Variants in LRRC4C observed in about 807,000 individuals in gnomAD.
LRRC4C encodes leucine-rich repeat-containing protein 4C.
Under a neutral mutation model 33.6 loss-of-function variants are expected in LRRC4C, and 5 were observed. The ratio of observed to expected loss-of-function variants is 0.15; its 90% CI spans 0.08 to 0.31. The LOEUF is 0.31. LRRC4C is among the 10% of genes least tolerant of loss of function. The probability of loss-of-function intolerance (pLI) is 1.00; values close to 1 mark genes in which losing one functional copy is unlikely to be tolerated. For synonymous variants in LRRC4C, 329 were observed against 302.0 expected (o/e 1.09, Z -0.93); for missense variants, 560 against 796.7 (o/e 0.70, Z 3.58).
intron 1 of LRRC4C, among the ~76,000 whole-genome samples, chr11:40,997,690 C>CA (rs1434400723): frequency 6.6e-6 from 1 of 151,518 alleles, no homozygotes; most frequent in Non-Finnish European, 1.5e-5. Flanking sequence ...GGTATGATTC[C>CA]AAAAAAATAA....
At chr11:41,277,317 T>C (rs1446088834) in intron 1 of LRRC4C, among the ~76,000 whole-genome samples, 1 of 152,216 alleles carries the variant, frequency 6.6e-6, no homozygotes, top group African/African-American at 2.4e-5. Flanking sequence ...GATCTTCTGA[T>C]AAACTGAATA....
intron 5 of LRRC4C, among the ~76,000 whole-genome samples, chr11:40,177,487 C>T (rs1422547400): frequency 6.6e-6 from 1 of 152,008 alleles, no homozygotes; most frequent in Non-Finnish European, 1.5e-5. Flanking sequence ...ATATACCTTC[C>T]AGTCACACTG....
chr11:40,434,194 G>T (rs1951050012), intron 3 of LRRC4C, among the ~76,000 whole-genome samples: 1 of 152,104 alleles, frequency 6.6e-6, no homozygotes, highest in African/African-American at 2.4e-5. Context: ...GCCATTTAGG[G>T]TTAGTGGCTA....
chr11:40,755,362 GAC>G (rs994102241), intron 2 of LRRC4C, among the ~76,000 whole-genome samples: 6 of 152,066 alleles, frequency 3.9e-5, no homozygotes. Flanking sequence ...ATAAAAGTAA[GAC>G]ACAGAGAGGT....
At chr11:40,845,269 T>G (rs1277621006) in intron 2 of LRRC4C, among the ~76,000 whole-genome samples, 1 of 152,170 alleles carries the variant, frequency 6.6e-6, no homozygotes, top group Admixed American at 6.6e-5. Context: ...GCCTGTCATC[T>G]ACATTAGGTA....
intron 4 of LRRC4C, among the ~76,000 whole-genome samples, chr11:40,295,718 A>T (rs776826706): frequency 2.0e-5 from 3 of 152,182 alleles, no homozygotes; most frequent in Non-Finnish European, 2.9e-5. Flanking sequence ...ATTGTGATTT[A>T]TTGTAATTTC....
intron 3 of LRRC4C, among the ~76,000 whole-genome samples, chr11:40,513,616 A>G (rs909617814): frequency 2.6e-5 from 4 of 152,156 alleles, no homozygotes; most frequent in African/African-American, 9.7e-5. Context: ...GCAGGGTTGC[A>G]TTTTGAAAAG....
intron 1 of LRRC4C, among the ~76,000 whole-genome samples, chr11:41,171,294 C>T (rs1055184415): frequency 1.3e-5 from 2 of 151,870 alleles, no homozygotes; most frequent in African/African-American, 4.8e-5. Context: ...GCTTTAAAGA[C>T]ACACACACAC....
chr11:41,025,193 A>G (rs1226368371), intron 1 of LRRC4C, among the ~76,000 whole-genome samples: 3 of 151,696 alleles, frequency 2.0e-5, no homozygotes, highest in African/African-American at 7.2e-5. Context: ...GAAGAGATGC[A>G]CGTCTCTCAC....
At chr11:41,026,506 A>C in intron 1 of LRRC4C, among the ~76,000 whole-genome samples, 1 of 151,658 alleles carries the variant, frequency 6.6e-6, no homozygotes, top group East Asian at 1.9e-4. Context: ...TAGTTGATAA[A>C]GCAGTGGCAG....
intron 3 of LRRC4C, among the ~76,000 whole-genome samples, chr11:40,627,033 A>G (rs980621515): frequency 6.9e-6 from 1 of 145,850 alleles, no homozygotes; most frequent in African/African-American, 2.5e-5. Flanking sequence ...TCCCCTCCAT[A>G]TAATTCAGGA....
chr11:40,364,820 G>A (rs1020119937), intron 3 of LRRC4C, among the ~76,000 whole-genome samples: 4 of 151,664 alleles, frequency 2.6e-5, no homozygotes, highest in African/African-American at 9.7e-5. Context: ...CTCCTACAGA[G>A]GAACAAAAGA....
At chr11:40,754,332 A>T (rs1261843296) in intron 2 of LRRC4C, among the ~76,000 whole-genome samples, 1 of 152,236 alleles carries the variant, frequency 6.6e-6, no homozygotes, top group Admixed American at 6.5e-5. Context: ...AGGAATCTTC[A>T]CAGGTAGATA....
chr11:40,411,738 ATT>A (rs1185331905), intron 3 of LRRC4C, among the ~76,000 whole-genome samples: 3 of 152,088 alleles, frequency 2.0e-5, no homozygotes, highest in African/African-American at 7.2e-5. Flanking sequence ...TCACCTATAT[ATT>A]ACCTTGTAAT....
chr11:40,253,536 T>C (rs1053874301), intron 4 of LRRC4C, among the ~76,000 whole-genome samples: 1 of 152,226 alleles, frequency 6.6e-6, no homozygotes, highest in African/African-American at 2.4e-5. Flanking sequence ...CAAAAAATGC[T>C]TGTGGTGACT....
At chr11:41,065,841 A>G (rs1480325448) in intron 1 of LRRC4C, among the ~76,000 whole-genome samples, 1 of 152,208 alleles carries the variant, frequency 6.6e-6, no homozygotes, top group Non-Finnish European at 1.5e-5. Context: ...AAGAAAAACT[A>G]ACACAGAGAC....
chr11:41,282,023 G>A (rs957073999), intron 1 of LRRC4C, among the ~76,000 whole-genome samples: 2 of 152,328 alleles, frequency 1.3e-5, no homozygotes, highest in South Asian at 2.1e-4. Context: ...TGATGTGTGG[G>A]GTGGATGGAA....
At position 40,221,811 on chromosome 11, in the gene LRRC4C, C is replaced by T. The variant is rs186224490; in HGVS notation, c.-96+19708G>A. 4.5e-4 allele frequency among the ~76,000 whole-genome samples: 68 copies of T among 152,200 alleles called. 1 individual carries two copies. Among genetic ancestry groups the T allele is most frequent in the African/African-American group, 1.6e-3 (67 of 41,536 alleles). On this transcript the variant is annotated intron_variant, in intron 5 of 6. Coordinates refer to ENST00000528697, the MANE Select transcript of LRRC4C (RefSeq NM_001258419.2). Reference sequence around the variant, plus strand: ...TACCGGTGCATGCAGCCCCCAGTCACGTACCCCCTGCTTGCTCAATCGATC... The same window carrying T: ...TACCGGTGCATGCAGCCCCCAGTCATGTACCCCCTGCTTGCTCAATCGATC...
At chr11:40,546,096 TCC>T (rs1565492126) in intron 3 of LRRC4C, among the ~76,000 whole-genome samples, 1 of 83,184 alleles carries the variant, frequency 1.2e-5, no homozygotes. Flanking sequence ...CTTCCTTCCT[TCC>T]TTCCTTCCTT....
Sources: allele counts gnomAD v4.1 joint callset (sites outside exome capture counted in the v4.1 genomes callset), GRCh38; gene constraint gnomAD v4.1.1; transcripts MANE v1.5; gene names NCBI Gene and HGNC (gene_info 2026-07-23, HGNC 2026-07-21).